The following NEK8 variants were observed in gnomAD, a reference collection of about 807,000 sequenced individuals.
NEK8 encodes serine/threonine-protein kinase Nek8.
A neutral mutation model predicts 77.2 loss-of-function variants in NEK8; 51 were observed. The observed-to-expected ratio is 0.66, with a 90% CI of 0.53 to 0.83. The LOEUF (loss-of-function observed/expected upper bound fraction) is 0.83, where lower values mean the gene tolerates loss of function less well. NEK8 is among the 40% of genes least tolerant of loss of function. The pLI, the probability that NEK8 is intolerant of heterozygous loss-of-function variation, is 0.00. For missense variants in NEK8, 787 were observed against 909.2 expected, an observed-to-expected ratio of 0.87 and a Z score of 1.73; for synonymous variants, 365 against 363.2, an observed-to-expected ratio of 1.00 and a Z score of -0.06.
At position 28,734,003 on chromosome 17, in the gene NEK8, G is replaced by A. The variant is rs776251322; in HGVS notation, c.68G>A (p.Arg23Gln). The A allele has an allele frequency of 2.6e-5, 42 of 1,614,090 alleles. No homozygotes were observed. The highest frequency in any genetic ancestry group is 1.6e-4 in the Middle Eastern group (1 of 6,076). Residue 23 changes from arginine to glutamine, a missense_variant, in exon 2 of 15, where the codon CGA becomes CAA. By Grantham distance (43) the Arg-to-Gln change is conservative. This residue lies in a region of NEK8 where 271 missense variants were observed against 365.1 expected (regional missense o/e 0.74). Coordinates refer to ENST00000268766, the MANE Select transcript of NEK8 (RefSeq NM_178170.3). Reference sequence around the variant, plus strand: ...CCTAGGATTGTGCACCTGTGCCTGCGAAAGGCTGACCAGAAGCTGGTGATC... The same window carrying A: ...CCTAGGATTGTGCACCTGTGCCTGCAAAAGGCTGACCAGAAGCTGGTGATC... ...GAFGIVHLCL[R>Q]KADQKLVIIK...
chr17:28,741,435 C>G lies in NEK8; in HGVS notation c.1914C>G (p.Gly638=). Residue 638 remains glycine (G), a synonymous_variant, in exon 14 of 15, where the codon GGC becomes GGG. Coordinates refer to ENST00000268766, the MANE Select transcript of NEK8 (RefSeq NM_178170.3). The surrounding 1 kb of genome is among the most constrained non-coding windows in gnomAD (Gnocchi z 4.5). The part of the protein sequence containing the change: ...IGAESEVYSW[G]KGARGRLGRR... ...CAGAGAGCGAAGTGTACTCTTGGGG[C>G]AAAGGGGCGCGAGGTCGATTGGGAA... The G allele has an allele frequency of 6.2e-7, 1 of 1,614,094 alleles. No individual in the cohort carries two copies. Among genetic ancestry groups the G allele is most frequent in the South Asian group, 1.1e-5 (1 of 91,080 alleles).
intron 1 of NEK8, among the ~76,000 whole-genome samples, chr17:28,729,242 A>G (rs2034282001): frequency 1.3e-5 from 2 of 152,370 alleles, no homozygotes; most frequent in South Asian, 4.1e-4. Flanking sequence ...TGAAGTAAGA[A>G]GTTATAGCAG....
chr17:28,732,084 G>A (rs909017781), intron 1 of NEK8, among the ~76,000 whole-genome samples: 1 of 150,238 alleles, frequency 6.7e-6, no homozygotes, highest in Non-Finnish European at 1.5e-5. Flanking sequence ...GCACCCACCA[G>A]CATGCCTAGC....
Position 28,741,809 on chromosome 17 carries a change from C to T in NEK8, c.2051-150C>T, listed in dbSNP as rs1430863625. On this transcript the variant is annotated intron_variant, in intron 14 of 14. Coordinates refer to ENST00000268766, the MANE Select transcript of NEK8 (RefSeq NM_178170.3). The surrounding 1 kb of genome is among the most constrained non-coding windows in gnomAD (Gnocchi z 4.5). ...TCCCCAGGGCTCACATGCATTCTTT[C>T]TCCTACTGCTGAGTCCCGTTGATGC... is the stretch of plus-strand genomic sequence containing the variant. 1.0e-6 allele frequency: 1 copy of T among 953,412 alleles called. No homozygotes were observed. Among genetic ancestry groups the T allele is most frequent in the Admixed American group, 1.9e-5 (1 of 52,460 alleles). The allele number at this position is 953,412 out of a possible 1,614,324, so 59.1% of individuals were successfully genotyped here.
In NEK8 at chr17:28,740,854, T is replaced by G. The variant is rs1275673550; in HGVS notation, c.1601T>G (p.Leu534Arg). ...FNKLGLDHLSLGEEPVPHQQV... is the reference protein window; with the variant it reads ...FNKLGLDHLSRGEEPVPHQQV... ...AAGCTGGGCCTGGACCACCTCTCCCTGGGGGAGGAGCCTGTCCCCCACCAG... is the reference window on the plus strand; with the variant it reads ...AAGCTGGGCCTGGACCACCTCTCCCGGGGGGAGGAGCCTGTCCCCCACCAG... Residue 534 changes from leucine (L) to arginine (R), a missense_variant, in exon 12 of 15, where the codon CTG becomes CGG. Leu to Arg is a moderately radical substitution (Grantham distance 102). Around this residue, in one of 2 missense-constraint regions of NEK8, gnomAD observed 516 missense variants for 544.0 expected, o/e 0.95. Transcript: ENST00000268766. The surrounding 1 kb of genome is among the most constrained non-coding windows in gnomAD (Gnocchi z 4.7). 2 of 1,613,952 alleles carry G rather than the reference T, an allele frequency of 1.2e-6. No homozygotes were observed. Among genetic ancestry groups the G allele is most frequent in the South Asian group, 1.1e-5 (1 of 91,076 alleles).
chr17:28,734,207 AG>A lies in NEK8; in HGVS notation c.253+20del. 6.2e-7 allele frequency: 1 copy of A among 1,609,754 alleles called. No homozygotes were observed. The highest frequency in any genetic ancestry group is 8.5e-7 in the Non-Finnish European group (1 of 1,175,940). On this transcript the variant is annotated intron_variant, in intron 2 of 14. Transcript: ENST00000268766. ...GCACCAGGTGGGCCAGCCTCCTTACAGTGGCCTGGCTGGAGGGCCTCTTACC... is the reference window on the plus strand; with the variant it reads ...GCACCAGGTGGGCCAGCCTCCTTACATGGCCTGGCTGGAGGGCCTCTTACC...
chr17:28,742,358 C>T lies in NEK8; in HGVS notation c.*371C>T, dbSNP rs983299128. ...CCTGTAATCCCAGCACTTTGGGAGG[C>T]TGAGGCGGGCGGATCACGAGGTCAG... On this transcript the variant is annotated 3_prime_UTR_variant, in exon 15 of 15. Transcript: ENST00000268766. 3.3e-5 allele frequency: 12 copies of T among 358,876 alleles called. No homozygotes were observed. The highest frequency in any genetic ancestry group is 5.4e-5 in the Non-Finnish European group (10 of 184,784). The allele number at this position is 358,876 out of a possible 1,614,324, so 22.2% of individuals were successfully genotyped here. A position where few individuals can be genotyped will look rare whatever the true frequency, so the allele number is the denominator to read the frequency against.
Position 28,737,404 on chromosome 17 carries a change from C to T in NEK8, c.717C>T (p.Leu239=). The T allele has an allele frequency of 6.2e-7, 1 of 1,613,616 alleles. No homozygotes were observed. Among genetic ancestry groups the T allele is most frequent in the Non-Finnish European group, 8.5e-7 (1 of 1,180,022 alleles). Reference sequence around the variant, plus strand: ...TTCGCCAGCTGGTCCTGAGTCTACTCAGCCTGGAGCCTGCCCAGCGGCCAC... The same window carrying T: ...TTCGCCAGCTGGTCCTGAGTCTACTTAGCCTGGAGCCTGCCCAGCGGCCAC... The part of the protein sequence containing the change: ...PELRQLVLSL[L]SLEPAQRPPL... Residue 239 remains leucine (L), a synonymous_variant, in exon 5 of 15, where the codon CTC becomes CTT. Transcript: ENST00000268766. The surrounding 1 kb of genome is among the most constrained non-coding windows in gnomAD (Gnocchi z 4.8).
rs1361122294 is a variant in NEK8, at chr17:28,739,275, A to C, written c.1417+74A>C. 3 of 910,708 alleles carry C rather than the reference A, an allele frequency of 3.3e-6. No homozygotes were observed. In the East Asian group the frequency reaches 7.2e-5, roughly 22 times the overall value. 56.4% of individuals were successfully genotyped at this position (910,708 alleles called of 1,614,324 possible). A position where few individuals can be genotyped will look rare whatever the true frequency, so the allele number is the denominator to read the frequency against. On this transcript the variant is annotated intron_variant, in intron 10 of 14. Transcript: ENST00000268766. ...TTGCTCCCCTTCATACCCACCTTCC[A>C]CCTCACAGCACATTCTCTCTTCCCT...
rs1266652469 is a variant in NEK8, at chr17:28,741,032, C to T, written c.1733-46C>T. 5.0e-6 allele frequency: 8 copies of T among 1,614,030 alleles called. No individual in the cohort carries two copies. In the Admixed American group the frequency reaches 1.3e-4, roughly 27 times the overall value. On this transcript the variant is annotated intron_variant, in intron 12 of 14. Transcript: ENST00000268766. This position sits in a 1 kb window ranked among gnomAD's most constrained non-coding sequence, Gnocchi z 4.5. ...GAGGTCAGAGGGGGACTCACGGTCT[C>T]CTTGGTACCCTGTTGAAGCACCCCT...
At chr17:28,738,483 AGAG>A (rs2034389248) in intron 8 of NEK8, among the ~76,000 whole-genome samples, 185 bp from the exon 9 acceptor site, 1 of 152,196 alleles carries the variant, frequency 6.6e-6, no homozygotes, top group African/African-American at 2.4e-5. Context: ...TAAGGCTCAG[AGAG>A]GGTGTCACTT....
chr17:28,731,502 C>G (rs1282595681), intron 1 of NEK8, among the ~76,000 whole-genome samples: 1 of 151,876 alleles, frequency 6.6e-6, no homozygotes, highest in Non-Finnish European at 1.5e-5. Flanking sequence ...TCGCGCCGCT[C>G]CACTCCCGCC....
Position 28,729,720 on chromosome 17 carries a change from G to T in NEK8, c.47+860G>T, listed in dbSNP as rs2034288685. On this transcript the variant is annotated intron_variant, in intron 1 of 14. Transcript: ENST00000268766. ...ACCATGCCCAGCTAATATTTTTTGT[G>T]TTTTTAGTACAGATGGGGTTTCGCC... Among the ~76,000 whole-genome samples, 3 of 151,630 alleles carry T rather than the reference G, an allele frequency of 2.0e-5. No individual in the cohort carries two copies. In the South Asian group the frequency reaches 6.2e-4, roughly 32 times the overall value.
chr17:28,734,114 A>G lies in NEK8; in HGVS notation c.179A>G (p.His60Arg). Residue 60 changes from histidine (H) to arginine (R), a missense_variant, in exon 2 of 15, where the codon CAC (histidine) becomes CGC (arginine). Transcript: ENST00000268766. The stretch of plus-strand genomic sequence containing the variant: ...TGCCAGGTCCTCAAGCTGCTCAACC[A>G]CCCCAATGTCATTGAGTACTACGAG... Reference protein sequence around the residue: ...NECQVLKLLNHPNVIEYYENF... With the variant: ...NECQVLKLLNRPNVIEYYENF... 6.2e-7 allele frequency: 1 copy of G among 1,613,946 alleles called. No individual in the cohort carries two copies. The highest frequency in any genetic ancestry group is 1.1e-5 in the South Asian group (1 of 91,058).
At chr17:28,735,432 T>C (rs1315143513) in intron 4 of NEK8, 61 bp downstream of exon 4, 13 of 1,571,536 alleles carry the variant, frequency 8.3e-6, no homozygotes, top group African/African-American at 1.3e-5. Flanking sequence ...CAGCAGCCCT[T>C]GGCTCAAGCC....
rs777152445 is a variant in NEK8 at position 28,738,141 on chromosome 17, T to C, written c.1118T>C (p.Val373Ala). The C allele has an allele frequency of 7.4e-6, 12 of 1,614,022 alleles. No individual in the cohort carries two copies. The highest frequency in any genetic ancestry group is 1.0e-5 in the Non-Finnish European group (12 of 1,179,944). ...AGGGSLLPGA[V>A]EQPQPQFISR... ...GGAGGCAGTCTCCTTCCTGGGGCAG[T>C]GGAGCAGCCACAGCCCCAGTTCATC... Residue 373 changes from valine (V) to alanine (A), a missense_variant, in exon 8 of 15, where the codon GTG (valine) becomes GCG (alanine). Val to Ala is a moderately conservative substitution (Grantham distance 64, BLOSUM62 0). Coordinates refer to ENST00000268766, the MANE Select transcript of NEK8 (RefSeq NM_178170.3).
chr17:28,730,036 A>G (rs2151730285), intron 1 of NEK8, among the ~76,000 whole-genome samples: 2 of 152,300 alleles, frequency 1.3e-5, no homozygotes, highest in South Asian at 4.1e-4. Context: ...ATAAAATGTA[A>G]TTGTCGAGGG....
intron 1 of NEK8, among the ~76,000 whole-genome samples, chr17:28,730,196 C>T (rs940311092): frequency 1.3e-5 from 2 of 151,678 alleles, no homozygotes; most frequent in African/African-American, 4.8e-5. Flanking sequence ...CTGCAATCTC[C>T]GCCTCCCGGG....
Position 28,738,715 on chromosome 17 carries a change from C to CT in NEK8, c.1268dup (p.Gly424ArgfsTer7). ...ATTCGGCAGCGGCAGCAATGGGTGC[C>CT]TAGGCCATGGCAGCCTCACTGACAT... On this transcript the variant is annotated frameshift_variant, in exon 9 of 15. Transcript: ENST00000268766. LOFTEE classifies it high-confidence loss of function. The CT allele has an allele frequency of 6.2e-7, 1 of 1,614,170 alleles. No homozygotes were observed. The highest frequency in any genetic ancestry group is 1.3e-5 in the African/African-American group (1 of 75,058).
Sources: allele counts gnomAD v4.1 joint callset (sites outside exome capture counted in the v4.1 genomes callset), GRCh38; gene constraint gnomAD v4.1.1; regional missense constraint gnomAD v4.1.1; non-coding constraint Gnocchi (gnomAD v3.1); transcripts MANE v1.5; gene names NCBI Gene and HGNC (gene_info 2026-07-23, HGNC 2026-07-21).